Variants in PDE6G observed in about 807,000 individuals in gnomAD.
PDE6G encodes phosphodiesterase 6G.
Under a neutral mutation model 10.9 loss-of-function variants are expected in PDE6G, and 10 were observed. The observed-to-expected ratio is 0.91, with a 90% CI of 0.56 to 1.55. PDE6G has a LOEUF of 1.55. PDE6G is among the 40% of genes most tolerant of loss of function. The pLI is 0.00. For missense variants in PDE6G, 102 were observed against 110.1 expected (o/e 0.93, Z 0.33); for synonymous variants, 41 against 42.8 (o/e 0.96, Z 0.16).
Position 81,651,210 on chromosome 17 carries a change from C to G in PDE6G, c.188-60G>C. The G allele has an allele frequency of 8.1e-7, 1 of 1,240,462 alleles. No individual in the cohort carries two copies. Among genetic ancestry groups the G allele is most frequent in the South Asian group, 1.2e-5 (1 of 82,614 alleles). The allele number at this position is 1,240,462 out of a possible 1,614,324, so 76.8% of individuals were successfully genotyped here. ...CCCACGGCCTAGGGACCCCCCCATC[C>G]CCTGTGGCCCTGTTTCCCACAGCCC... On this transcript the variant is annotated intron_variant, in intron 3 of 3. Transcript: ENST00000331056. This position sits in a 1 kb window ranked among gnomAD's most constrained non-coding sequence, Gnocchi z 4.8.
At position 81,651,731 on chromosome 17, in the gene PDE6G, CTCAG is replaced by C; in HGVS notation, c.147-50_147-47del. 7 of 1,603,078 alleles carry C rather than the reference CTCAG, an allele frequency of 4.4e-6. No homozygotes were observed. Among genetic ancestry groups the C allele is most frequent in the Non-Finnish European group, 5.1e-6 (6 of 1,171,872 alleles). On this transcript the variant is annotated intron_variant, in intron 2 of 3. Coordinates refer to ENST00000331056, the MANE Select transcript of PDE6G (RefSeq NM_002602.4). This position sits in a 1 kb window ranked among gnomAD's most constrained non-coding sequence, Gnocchi z 4.8. ...GGGACATGGCCGGGCCCAGTCCTGG[CTCAG>C]TCAGCCTGAGGCCCGAGGTCATCTC...
At chr17:81,662,707 C>CT (rs2036524633) in intron 1 of PDE6G, among the ~76,000 whole-genome samples, 1 of 152,136 alleles carries the variant, frequency 6.6e-6, no homozygotes, top group Admixed American at 6.6e-5. Flanking sequence ...CTCATGAAAA[C>CT]TAAGCAGTTG....
chr17:81,659,766 C>T (rs2036492725), upstream of PDE6G, among the ~76,000 whole-genome samples: 1 of 152,068 alleles, frequency 6.6e-6, no homozygotes, highest in South Asian at 2.1e-4. Context: ...TACGTAATTG[C>T]TTGGAAGTTA....
upstream of PDE6G, among the ~76,000 whole-genome samples, chr17:81,661,378 C>G (rs9890460): frequency 0.61 from 92,192 of 152,116 alleles, 29,279 homozygotes; most frequent in East Asian, 0.99. Flanking sequence ...TAGGCAGATA[C>G]GGGCAGGTCC....
rs771203790 is a variant in PDE6G at position 81,650,495 on chromosome 17, T to C, written c.*579A>G. On this transcript the variant is annotated 3_prime_UTR_variant, in exon 4 of 4. Transcript: ENST00000331056. ...ACTAATTTTATTTTGAAATAGGGAC[T>C]GCAAGGGCAGGCTGTATTGAGAAGG... 2.6e-5 allele frequency: 12 copies of C among 453,196 alleles called. No homozygotes were observed. Among genetic ancestry groups the C allele is most frequent in the African/African-American group, 1.6e-4 (8 of 49,968 alleles). The allele number at this position is 453,196 out of a possible 1,614,324, so 28.1% of individuals were successfully genotyped here.
In PDE6G at chr17:81,651,843, G is replaced by A. The variant is rs529877143; in HGVS notation, c.147-158C>T. ...CCTCCCCAACCTCCCAGGGCTTGGC[G>A]CATCTGAGGAGGCTTCCCTCACAGA... On this transcript the variant is annotated intron_variant, in intron 2 of 3. Transcript: ENST00000331056. This position sits in a 1 kb window ranked among gnomAD's most constrained non-coding sequence, Gnocchi z 4.8. Among the ~76,000 whole-genome samples, 17 of 152,318 alleles carry A rather than the reference G, an allele frequency of 1.1e-4. No individual in the cohort carries two copies. Among genetic ancestry groups the A allele is most frequent in the South Asian group, 1.0e-3 (5 of 4,826 alleles).
chr17:81,654,752 C>CTT (rs60676628), intron 1 of PDE6G, among the ~76,000 whole-genome samples: 13 of 138,536 alleles, frequency 9.4e-5, no homozygotes, highest in Admixed American at 2.2e-4. Flanking sequence ...GGAATCTCAC[C>CTT]TTTTTTTTTT....
upstream of PDE6G, among the ~76,000 whole-genome samples, chr17:81,658,274 C>T (rs1387929650): frequency 2.6e-5 from 4 of 151,726 alleles, no homozygotes; most frequent in Non-Finnish European, 5.9e-5. Flanking sequence ...TTAGTAGAGA[C>T]AGGGTTTCAC....
Position 81,653,671 on chromosome 17 carries a change from C to T in PDE6G, c.-59-307G>A, listed in dbSNP as rs974262126. The T allele has an allele frequency of 2.4e-5, 8 of 331,528 alleles. No homozygotes were observed. In the South Asian group the frequency reaches 2.5e-4, roughly 10 times the overall value. The allele number at this position is 331,528 out of a possible 1,614,324, so 20.5% of individuals were successfully genotyped here. A position where few individuals can be genotyped will look rare whatever the true frequency, so the allele number is the denominator to read the frequency against. ...TCCACAGCAAACCTAGCCTCCCAACCTGTGGCAGGTCCTGAGCCTGGAGTC... is the reference window on the plus strand; with the variant it reads ...TCCACAGCAAACCTAGCCTCCCAACTTGTGGCAGGTCCTGAGCCTGGAGTC... On this transcript the variant is annotated intron_variant, in intron 1 of 3. Coordinates refer to ENST00000331056, the MANE Select transcript of PDE6G (RefSeq NM_002602.4). This position sits in a 1 kb window ranked among gnomAD's most constrained non-coding sequence, Gnocchi z 5.2.
rs908272726 is a variant in PDE6G at position 81,653,614 on chromosome 17, C to G, written c.-59-250G>C. 9.3e-6 allele frequency: 4 copies of G among 430,866 alleles called. No individual in the cohort carries two copies. Among genetic ancestry groups the G allele is most frequent in the South Asian group, 4.5e-5 (2 of 44,060 alleles). 26.7% of individuals were successfully genotyped at this position (430,866 alleles called of 1,614,324 possible). A position where few individuals can be genotyped will look rare whatever the true frequency, so the allele number is the denominator to read the frequency against. ...GGCCACACACAGCTCCGGACTCCCC[C>G]CTGTCCTGGCCTCCCTCGCCCCGGC... On this transcript the variant is annotated intron_variant, in intron 1 of 3. Transcript: ENST00000331056. This position sits in a 1 kb window ranked among gnomAD's most constrained non-coding sequence, Gnocchi z 5.2.
upstream of PDE6G, among the ~76,000 whole-genome samples, chr17:81,659,059 T>C (rs2036484444): frequency 6.6e-6 from 1 of 151,732 alleles, no homozygotes; most frequent in South Asian, 2.1e-4. Context: ...ATTCAAGTTA[T>C]GCTGCAATAA....
chr17:81,662,021 A>G (rs143478764), intron 1 of PDE6G, among the ~76,000 whole-genome samples: 2,684 of 151,930 alleles, frequency 0.018, 78 homozygotes, highest in African/African-American at 0.062. Flanking sequence ...ACAGGGCGAG[A>G]CTCTGTCTCA....
At chr17:81,655,451 G>A (rs759175806) in intron 1 of PDE6G, among the ~76,000 whole-genome samples, 3 of 152,226 alleles carry the variant, frequency 2.0e-5, no homozygotes, top group East Asian at 1.9e-4. Context: ...GTGGCGTGGC[G>A]TGGCTGAAGG....
chr17:81,653,354 C>T lies in PDE6G; in HGVS notation c.-49G>A, dbSNP rs768812184. On this transcript the variant is annotated 5_prime_UTR_variant, in exon 2 of 4. Coordinates refer to ENST00000331056, the MANE Select transcript of PDE6G (RefSeq NM_002602.4). This position sits in a 1 kb window ranked among gnomAD's most constrained non-coding sequence, Gnocchi z 5.2. ...GGCAACCTTGGCTCCTGGACTCCCT[C>T]CTGCTGCGGTCTGGGGGCAGACCAG... 6.2e-7 allele frequency: 1 copy of T among 1,602,296 alleles called. No homozygotes were observed. Among genetic ancestry groups the T allele is most frequent in the South Asian group, 1.1e-5 (1 of 90,912 alleles).
At chr17:81,662,440 T>C (rs553710512) in intron 1 of PDE6G, among the ~76,000 whole-genome samples, 1 of 152,242 alleles carries the variant, frequency 6.6e-6, no homozygotes, top group South Asian at 2.1e-4. Flanking sequence ...CTGACCAACA[T>C]GGCAAAACCA....
chr17:81,661,924 G>A (rs746462318), intron 1 of PDE6G, among the ~76,000 whole-genome samples: 10 of 151,078 alleles, frequency 6.6e-5, no homozygotes, highest in East Asian at 5.9e-4. Flanking sequence ...CTAGGTACTC[G>A]GGAGGTTGAG....
chr17:81,658,821 A>C (rs567554458), upstream of PDE6G, among the ~76,000 whole-genome samples: 1 of 152,302 alleles, frequency 6.6e-6, no homozygotes, highest in South Asian at 2.1e-4. Flanking sequence ...AGCCTGGGCA[A>C]CAGTGAGACT....
At chr17:81,654,007 C>T (rs966587269) in intron 1 of PDE6G, among the ~76,000 whole-genome samples, 2 of 152,276 alleles carry the variant, frequency 1.3e-5, no homozygotes, top group Middle Eastern at 3.4e-3. Flanking sequence ...TTAGTAGAGA[C>T]GGGGTTTCAC....
At chr17:81,657,931 C>T (rs779506572), upstream of PDE6G, among the ~76,000 whole-genome samples, 5 of 151,014 alleles carry the variant, frequency 3.3e-5, no homozygotes, top group Non-Finnish European at 7.4e-5. Flanking sequence ...ATAACTCGGC[C>T]GGGAGCAGTG....
Sources: gnomAD v4.1 joint callset for allele counts (sites outside exome capture counted in the v4.1 genomes callset) on GRCh38, gnomAD v4.1.1 for gene constraint, Gnocchi (gnomAD v3.1) non-coding constraint, MANE v1.5 for transcripts, NCBI Gene and HGNC (gene_info 2026-07-23, HGNC 2026-07-21) for gene names.